The following VRK2 variants were observed in gnomAD, a reference collection of about 807,000 sequenced individuals.
VRK2 encodes the protein serine/threonine-protein kinase VRK2.
VRK2 carries 60 observed loss-of-function variants against 57.6 expected under a neutral mutation model. That is an observed-to-expected ratio of 1.04 (90% CI 0.85 to 1.29). The LOEUF (loss-of-function observed/expected upper bound fraction) is 1.29, where lower values mean the gene tolerates loss of function less well. Among genes scored for constraint, VRK2 ranks in the 50% most tolerant of loss-of-function variants. The pLI is 0.00. For synonymous variants in VRK2, 231 were observed against 199.2 expected, an observed-to-expected ratio of 1.16 and a Z score of -1.35; for missense variants, 705 against 588.1, an observed-to-expected ratio of 1.20 and a Z score of -2.06.
chr2:58,134,662 C>T (rs1679740150), intron 9 of VRK2, among the ~76,000 whole-genome samples: 1 of 151,200 alleles, frequency 6.6e-6, no homozygotes, highest in Non-Finnish European at 1.5e-5. Context: ...TTTGCTGGAT[C>T]CCCCCGCCCC....
intron 1 of VRK2, among the ~76,000 whole-genome samples, chr2:57,930,067 C>A (rs1670668771): frequency 6.6e-6 from 1 of 152,136 alleles, no homozygotes; most frequent in Admixed American, 6.5e-5. Context: ...GCTACCCCAT[C>A]TGGTGTCTCA....
chr2:58,015,472 C>T (rs1030626988), intron 1 of VRK2, among the ~76,000 whole-genome samples: 5 of 152,078 alleles, frequency 3.3e-5, no homozygotes, highest in Admixed American at 2.6e-4. Flanking sequence ...AATTCAATAC[C>T]TATCTCATTA....
intron 1 of VRK2, among the ~76,000 whole-genome samples, chr2:57,919,011 T>C (rs780918254): frequency 3.9e-5 from 6 of 152,156 alleles, no homozygotes; most frequent in Non-Finnish European, 7.4e-5. Context: ...TATCTTGTTC[T>C]ATTGACCATC....
At chr2:57,978,611 CA>C in intron 1 of VRK2, among the ~76,000 whole-genome samples, 1 of 150,964 alleles carries the variant, frequency 6.6e-6, no homozygotes, top group South Asian at 2.1e-4. Context: ...AGACATGGAT[CA>C]TGTGATCCCT....
At chr2:57,917,685 T>C (rs904376326) in intron 1 of VRK2, among the ~76,000 whole-genome samples, 4 of 151,766 alleles carry the variant, frequency 2.6e-5, no homozygotes, top group Non-Finnish European at 4.4e-5. Flanking sequence ...GCTTATGATA[T>C]AGAAAATTTT....
rs956251102 is a variant in VRK2, at chr2:58,085,541, T to C, written c.256+591T>C. Among the ~76,000 whole-genome samples, 3 of 151,932 alleles carry C rather than the reference T, an allele frequency of 2.0e-5. No individual in the cohort carries two copies. The East Asian group carries it at 5.8e-4, about 29-fold the overall frequency. ...ATAACAGCATTTTATAAATGTGATA[T>C]AGATGGGCTAAGAAAAACATTAAAG... On this transcript the variant is annotated intron_variant, in intron 4 of 12. Coordinates refer to ENST00000340157, the MANE Select transcript of VRK2 (RefSeq NM_006296.7).
At position 58,148,655 on chromosome 2, in the gene VRK2, C is replaced by A. The variant is rs563755697; in HGVS notation, c.1182+2181C>A. Among the ~76,000 whole-genome samples, 4 of 151,798 alleles carry A rather than the reference C, an allele frequency of 2.6e-5. No homozygotes were observed. In the South Asian group the frequency reaches 8.3e-4, roughly 31 times the overall value. ...TTCTATACAAGGCTCATGGTTTTAGCTTTCATTGTTGGTTCTATGAGCCAT... is the reference window on the plus strand; with the variant it reads ...TTCTATACAAGGCTCATGGTTTTAGATTTCATTGTTGGTTCTATGAGCCAT... On this transcript the variant is annotated intron_variant, in intron 12 of 12. Transcript: ENST00000340157.
At chr2:58,074,365 G>T (rs1023258032) in intron 2 of VRK2, among the ~76,000 whole-genome samples, 10 of 151,620 alleles carry the variant, frequency 6.6e-5, no homozygotes, top group African/African-American at 1.9e-4. Context: ...TTCTTTCTTG[G>T]TTTTTTATCT....
At chr2:58,121,719 G>T (rs1191716390) in intron 7 of VRK2, among the ~76,000 whole-genome samples, 12 of 152,164 alleles carry the variant, frequency 7.9e-5, no homozygotes, top group African/African-American at 2.4e-5. Flanking sequence ...AGTGCAGATT[G>T]TATGGTAAAT....
At chr2:57,979,816 T>C (rs2104045908) in intron 1 of VRK2, among the ~76,000 whole-genome samples, 1 of 152,252 alleles carries the variant, frequency 6.6e-6, no homozygotes, top group South Asian at 2.1e-4. Context: ...GTTTCCTGGT[T>C]TGTGTGCATG....
chr2:57,987,533 G>C (rs988720788), intron 1 of VRK2, among the ~76,000 whole-genome samples: 7 of 152,204 alleles, frequency 4.6e-5, no homozygotes, highest in African/African-American at 1.7e-4. Context: ...AGAAAATCTA[G>C]AATCCTCATA....
At chr2:58,155,664 G>C (rs1325322274) in intron 12 of VRK2, among the ~76,000 whole-genome samples, 1 of 151,956 alleles carries the variant, frequency 6.6e-6, no homozygotes, top group Non-Finnish European at 1.5e-5. Flanking sequence ...GGAAGGGTAG[G>C]TGTGCTCCCT....
In VRK2 at chr2:58,002,828, T is replaced by TA. The variant is rs551136500; in HGVS notation, c.-438-22836dup. On this transcript the variant is annotated intron_variant, in intron 1 of 15. Transcript: ENST00000417641. ...TTTTCAGACATTAGAATAATGCTGTTACAACTGTTAAAGCATGCTTCATTT... is the reference window on the plus strand; with the variant it reads ...TTTTCAGACATTAGAATAATGCTGTTAACAACTGTTAAAGCATGCTTCATTT... Among the ~76,000 whole-genome samples the TA allele has an allele frequency of 4.3e-4, 66 of 152,330 alleles. 2 individuals are homozygous for TA. In the South Asian group the frequency reaches 0.011, roughly 26 times the overall value.
intron 7 of VRK2, among the ~76,000 whole-genome samples, chr2:58,114,231 C>G (rs1207939269): frequency 1.3e-5 from 2 of 152,068 alleles, no homozygotes; most frequent in Admixed American, 1.3e-4. Flanking sequence ...AGGAGATTCA[C>G]CATAGTCCTG....
intron 1 of VRK2, among the ~76,000 whole-genome samples, chr2:57,919,194 A>T (rs920589118): frequency 3.9e-5 from 6 of 152,134 alleles, no homozygotes; most frequent in Non-Finnish European, 1.5e-5. Flanking sequence ...CCTAAAAGTA[A>T]GTATCAAATA....
chr2:58,022,034 G>A (rs889686323), intron 1 of VRK2, among the ~76,000 whole-genome samples: 1 of 152,112 alleles, frequency 6.6e-6, no homozygotes, highest in Non-Finnish European at 1.5e-5. Flanking sequence ...CATTACTCCT[G>A]GACATAGCAC....
chr2:58,061,124 G>A (rs553259725), intron 2 of VRK2, among the ~76,000 whole-genome samples: 3 of 151,930 alleles, frequency 2.0e-5, no homozygotes, highest in Admixed American at 6.6e-5. Context: ...AGTTATGAAT[G>A]TAGAGTTTCA....
chr2:58,061,970 T>G (rs1226157619), intron 2 of VRK2, among the ~76,000 whole-genome samples: 3 of 152,052 alleles, frequency 2.0e-5, no homozygotes, highest in Non-Finnish European at 4.4e-5. Flanking sequence ...CTTGTCTTAT[T>G]GCACATCACT....
chr2:58,158,827 G>A (rs774737156), intron 12 of VRK2, among the ~76,000 whole-genome samples: 2 of 152,142 alleles, frequency 1.3e-5, no homozygotes, highest in Middle Eastern at 3.4e-3. Flanking sequence ...ATACTGGTTC[G>A]TCTGTATAGC....
Sources: gnomAD v4.1 joint callset for allele counts (sites outside exome capture counted in the v4.1 genomes callset) on GRCh38, gnomAD v4.1.1 for gene constraint, MANE v1.5 for transcripts, NCBI Gene and HGNC (gene_info 2026-07-23, HGNC 2026-07-21) for gene names.